The following ASXL2 variants were observed in gnomAD, a reference collection of about 807,000 sequenced individuals.
The protein encoded by ASXL2 is putative Polycomb group protein ASXL2.
Under a neutral mutation model 122.0 loss-of-function variants are expected in ASXL2, and 23 were observed. The observed-to-expected ratio is 0.19, with a 90% CI of 0.14 to 0.27. ASXL2 has a LOEUF of 0.27. Ranked by LOEUF, ASXL2 falls within the 10% of genes least tolerant of loss-of-function variation. The pLI, the probability that ASXL2 is intolerant of heterozygous loss-of-function variation, is 1.00. For synonymous variants in ASXL2, 650 were observed against 637.0 expected (o/e 1.02, Z -0.31); for missense variants, 1,518 against 1,713.8 (o/e 0.89, Z 2.02).
chr2:25,864,868 G>A (rs1052766932), intron 1 of ASXL2, among the ~76,000 whole-genome samples: 5 of 148,228 alleles, frequency 3.4e-5, no homozygotes, highest in Non-Finnish European at 7.4e-5. Flanking sequence ...TTTCGCTCTC[G>A]TTGCCCAGGC....
intron 11 of ASXL2, among the ~76,000 whole-genome samples, chr2:25,752,455 T>C (rs1024009754): frequency 2.0e-5 from 3 of 152,212 alleles, no homozygotes; most frequent in African/African-American, 4.8e-5. Flanking sequence ...TAATTACAGG[T>C]TGGTTCTAAT....
intron 1 of ASXL2, among the ~76,000 whole-genome samples, chr2:25,847,184 T>C (rs543578642): frequency 6.6e-6 from 1 of 152,344 alleles, no homozygotes; most frequent in South Asian, 2.1e-4. Context: ...GCATGCTGTG[T>C]CCAGTGTTTG....
At position 25,739,631 on chromosome 2, in the gene ASXL2, A is replaced by G. The variant is rs890401122; in HGVS notation, c.*2398T>C. 3 of 195,600 alleles carry G rather than the reference A, an allele frequency of 1.5e-5. No homozygotes were observed. Among genetic ancestry groups the G allele is most frequent in the African/African-American group, 6.9e-5 (3 of 43,226 alleles). 12.1% of individuals were successfully genotyped at this position (195,600 alleles called of 1,614,324 possible). A position where few individuals can be genotyped will look rare whatever the true frequency, so the allele number is the denominator to read the frequency against. On this transcript the variant is annotated 3_prime_UTR_variant, in exon 13 of 13. Transcript: ENST00000435504. ...TAGTGAACAGCAATGTTTAGGACCT[A>G]TCTATAAGAGCCTGGGTCAAGATGA...
chr2:25,820,397 T>G (rs1480028943), intron 3 of ASXL2, among the ~76,000 whole-genome samples: 1 of 152,208 alleles, frequency 6.6e-6, no homozygotes, highest in Non-Finnish European at 1.5e-5. Flanking sequence ...GTTAAATAAA[T>G]GTATATGATT....
At chr2:25,824,967 T>C (rs2089359499) in intron 3 of ASXL2, among the ~76,000 whole-genome samples, 1 of 152,226 alleles carries the variant, frequency 6.6e-6, no homozygotes, top group Non-Finnish European at 1.5e-5. Flanking sequence ...AGCTTTAGCT[T>C]GCTTTGTCTT....
rs538985911 is a variant in ASXL2 at position 25,741,077 on chromosome 2, T to C, written c.*952A>G. 6.6e-4 allele frequency: 129 copies of C among 196,524 alleles called. No homozygotes were observed. The highest frequency in any genetic ancestry group is 2.9e-3 in the African/African-American group (126 of 43,418). 12.2% of individuals were successfully genotyped at this position (196,524 alleles called of 1,614,324 possible). A position where few individuals can be genotyped will look rare whatever the true frequency, so the allele number is the denominator to read the frequency against. On this transcript the variant is annotated 3_prime_UTR_variant, in exon 13 of 13. Transcript: ENST00000435504. ...TTTACGTTCAATTTAACAGTTTCTGTGGTTTCACTCCCCTTGCTCAACAAG... is the reference window on the plus strand; with the variant it reads ...TTTACGTTCAATTTAACAGTTTCTGCGGTTTCACTCCCCTTGCTCAACAAG...
chr2:25,811,061 C>CAT (rs2089162560), intron 3 of ASXL2, among the ~76,000 whole-genome samples: 1 of 141,568 alleles, frequency 7.1e-6, no homozygotes, highest in Non-Finnish European at 1.5e-5. Flanking sequence ...AAAATACACA[C>CAT]ACACACACAC....
At chr2:25,803,461 G>A (rs918846875) in intron 4 of ASXL2, among the ~76,000 whole-genome samples, 1 of 152,160 alleles carries the variant, frequency 6.6e-6, no homozygotes, top group Non-Finnish European at 1.5e-5. Flanking sequence ...CATCTGAAGG[G>A]GATGGGAGGG....
chr2:25,831,302 CAAAA>C (rs943377385), intron 3 of ASXL2, among the ~76,000 whole-genome samples: 5 of 62,512 alleles, frequency 8.0e-5, no homozygotes, highest in Admixed American at 1.8e-4. Context: ...GACTCCGTCT[CAAAA>C]AAAAAAAAAA....
intron 5 of ASXL2, among the ~76,000 whole-genome samples, chr2:25,771,805 G>A (rs985765762): frequency 2.6e-5 from 4 of 152,182 alleles, no homozygotes; most frequent in African/African-American, 9.7e-5. Context: ...AGAATTGACT[G>A]AAGAATGACT....
chr2:25,787,415 T>A (rs2088765511), intron 5 of ASXL2, among the ~76,000 whole-genome samples: 1 of 152,192 alleles, frequency 6.6e-6, no homozygotes, highest in Non-Finnish European at 1.5e-5. Context: ...AAGGGAAAGC[T>A]GACACGAAAA....
intron 1 of ASXL2, among the ~76,000 whole-genome samples, chr2:25,867,612 TA>T (rs1056874676): frequency 1.5e-5 from 2 of 132,632 alleles, no homozygotes; most frequent in Non-Finnish European, 3.6e-5. Flanking sequence ...CCAATCTGCT[TA>T]AAACAGATAC....
chr2:25,859,727 C>T (rs755526486), intron 1 of ASXL2, among the ~76,000 whole-genome samples: 7 of 152,168 alleles, frequency 4.6e-5, no homozygotes, highest in Admixed American at 3.3e-4. Flanking sequence ...AGCCATAAAA[C>T]ACACCTTAAC....
chr2:25,821,323 C>G (rs2089307779), intron 3 of ASXL2, among the ~76,000 whole-genome samples: 1 of 150,764 alleles, frequency 6.6e-6, no homozygotes, highest in Admixed American at 6.6e-5. Flanking sequence ...TACCACTGCA[C>G]TCCAGCCTGG....
At chr2:25,783,610 T>C (rs7599961) in intron 5 of ASXL2, among the ~76,000 whole-genome samples, 48,553 of 151,850 alleles carry the variant, frequency 0.32, 8,297 homozygotes, top group African/African-American at 0.41. Context: ...TTTGTCCTTA[T>C]TGACAGGAGG....
intron 1 of ASXL2, among the ~76,000 whole-genome samples, chr2:25,870,334 C>A (rs559538674): frequency 1.4e-4 from 22 of 152,194 alleles, no homozygotes; most frequent in African/African-American, 5.1e-4. Context: ...ACCATCCTGG[C>A]CAACATGGTG....
chr2:25,816,352 A>G (rs930924305), intron 3 of ASXL2, among the ~76,000 whole-genome samples: 2 of 152,236 alleles, frequency 1.3e-5, no homozygotes, highest in African/African-American at 2.4e-5. Context: ...TAGTGTTTCC[A>G]TTTCATCATT....
At chr2:25,767,373 C>G (rs2088370589) in intron 8 of ASXL2, among the ~76,000 whole-genome samples, 1 of 152,148 alleles carries the variant, frequency 6.6e-6, no homozygotes, top group Non-Finnish European at 1.5e-5. Flanking sequence ...CAGGGGATAG[C>G]AGGAGAAAGA....
rs753665572 is a variant in ASXL2, at chr2:25,743,347, T to C, written c.2990A>G (p.Asn997Ser). ...CTCTCTGGTGCTATTTTCTGTTGTG[T>C]TGGTAGCTATGAGCGCTCCCATCCC... ...ERGMGALIAT[N>S]TTENSTREEV... Residue 997 changes from asparagine (N) to serine (S), a missense_variant, in exon 13 of 13, where the codon AAC (asparagine) becomes AGC (serine). By Grantham distance (46) the Asn-to-Ser change is conservative. Coordinates refer to ENST00000435504, the MANE Select transcript of ASXL2 (RefSeq NM_018263.6). The C allele has an allele frequency of 9.3e-6, 15 of 1,613,982 alleles. No individual in the cohort carries two copies. In the East Asian group the frequency reaches 2.9e-4, roughly 31 times the overall value.
Sources: allele counts gnomAD v4.1 joint callset (sites outside exome capture counted in the v4.1 genomes callset), GRCh38; gene constraint gnomAD v4.1.1; transcripts MANE v1.5; gene names NCBI Gene and HGNC (gene_info 2026-07-23, HGNC 2026-07-21).